Variants in STEAP4 observed in about 807,000 individuals in gnomAD.
STEAP4 encodes the protein metalloreductase STEAP4.
Under a neutral mutation model 43.6 loss-of-function variants are expected in STEAP4, and 36 were observed. The ratio of observed to expected loss-of-function variants is 0.83; its 90% CI spans 0.63 to 1.09. STEAP4 has a LOEUF of 1.09. STEAP4 is among the 50% of genes least tolerant of loss of function. The pLI is 0.00. For missense variants in STEAP4, 495 were observed against 546.5 expected (o/e 0.91, Z 0.94); for synonymous variants, 191 against 196.7 (o/e 0.97, Z 0.24).
At chr7:88,299,686 A>G (rs1199863752) in intron 1 of STEAP4, among the ~76,000 whole-genome samples, 1 of 152,192 alleles carries the variant, frequency 6.6e-6, no homozygotes, top group African/African-American at 2.4e-5. Context: ...GTAATTTGTA[A>G]TTTCAATTTT....
intron 1 of STEAP4, among the ~76,000 whole-genome samples, chr7:88,294,366 A>G (rs907232740): frequency 6.6e-6 from 1 of 152,120 alleles, no homozygotes; most frequent in Non-Finnish European, 1.5e-5. Context: ...TTCTCAAGAT[A>G]TCTCATTATG....
rs1018082536 is a variant in STEAP4, at chr7:88,306,805, G to C, written c.-16C>G. ...AAAGTGACCCACCTGAGGGAGAGGC[G>C]CTTCCAAGGAGGAAGCGTCCAGCGC... On this transcript the variant is annotated 5_prime_UTR_variant, in exon 1 of 5. Coordinates refer to ENST00000380079, the MANE Select transcript of STEAP4 (RefSeq NM_024636.4). 7 of 152,376 alleles carry C rather than the reference G, an allele frequency of 4.6e-5. No individual in the cohort carries two copies. Among genetic ancestry groups the C allele is most frequent in the Non-Finnish European group, 8.8e-5 (6 of 68,184 alleles). The allele number at this position is 152,376 out of a possible 1,614,324, so 9.4% of individuals were successfully genotyped here.
At chr7:88,295,154 C>T (rs1051659129) in intron 1 of STEAP4, among the ~76,000 whole-genome samples, 3 of 152,074 alleles carry the variant, frequency 2.0e-5, no homozygotes, top group Admixed American at 6.6e-5. Flanking sequence ...TGGGATCCGT[C>T]ATTAGATAAG....
Position 88,279,422 on chromosome 7 carries a change from G to C in STEAP4, c.1356C>G (p.Gly452=), listed in dbSNP as rs766360017. ...VDNTLTRIRQ[G]WERNSKH ...TCTAGTGTTTTGAGTTCCTTTCCCA[G>C]CCCTGGCGGATCCTTGTAAGGGTGT... The change falls in exon 5 of 5, where the codon GGC becomes GGG. Residue 452 remains glycine (G), a synonymous_variant. Coordinates refer to ENST00000380079, the MANE Select transcript of STEAP4 (RefSeq NM_024636.4). The C allele has an allele frequency of 6.2e-7, 1 of 1,613,942 alleles. No individual in the cohort carries two copies. Among genetic ancestry groups the C allele is most frequent in the East Asian group, 2.2e-5 (1 of 44,862 alleles).
At position 88,294,188 on chromosome 7, in the gene STEAP4, C is replaced by A. The variant is rs192591461; in HGVS notation, c.-2-9917G>T. On this transcript the variant is annotated intron_variant, in intron 1 of 4. Coordinates refer to ENST00000380079, the MANE Select transcript of STEAP4 (RefSeq NM_024636.4). ...AATCCAAAACTTTCAGACATGATACCACCATTGGATAATTCCACACCTGAC... is the reference window on the plus strand; with the variant it reads ...AATCCAAAACTTTCAGACATGATACAACCATTGGATAATTCCACACCTGAC... Among the ~76,000 whole-genome samples the A allele has an allele frequency of 2.6e-5, 4 of 152,064 alleles. No individual in the cohort carries two copies. In the East Asian group the frequency reaches 7.7e-4, roughly 29 times the overall value.
Position 88,279,315 on chromosome 7 carries a change from C to T in STEAP4, c.*83G>A, listed in dbSNP as rs1852568524. On this transcript the variant is annotated 3_prime_UTR_variant, in exon 5 of 5. Coordinates refer to ENST00000380079, the MANE Select transcript of STEAP4 (RefSeq NM_024636.4). ...TTTCCTAACTGTACCCATCATTCTTCTTTAAACATTCAAAACCATAGTTCA... is the reference window on the plus strand; with the variant it reads ...TTTCCTAACTGTACCCATCATTCTTTTTTAAACATTCAAAACCATAGTTCA... 3.0e-6 allele frequency: 4 copies of T among 1,355,784 alleles called. No homozygotes were observed. The highest frequency in any genetic ancestry group is 2.1e-6 in the Non-Finnish European group (2 of 968,538). 84.0% of individuals were successfully genotyped at this position (1,355,784 alleles called of 1,614,324 possible).
At position 88,273,533 on chromosome 7, in the gene STEAP4, G is replaced by T. The variant is rs1852470676; in HGVS notation, c.*5865C>A. ...GTGTGTGTGTGTGTGTGTAACCCTA[G>T]ATTCTTCAACTAGTATTAAAGTACT... On this transcript the variant is annotated 3_prime_UTR_variant, in exon 5 of 5. Transcript: ENST00000380079. The T allele has an allele frequency of 6.6e-6, 1 of 151,792 alleles. No homozygotes were observed. The highest frequency in any genetic ancestry group is 2.4e-5 in the African/African-American group (1 of 41,286). 9.4% of individuals were successfully genotyped at this position (151,792 alleles called of 1,614,324 possible). A position where few individuals can be genotyped will look rare whatever the true frequency, so the allele number is the denominator to read the frequency against.
rs1046675271 is a variant in STEAP4, at chr7:88,279,100, A to C, written c.*298T>G. On this transcript the variant is annotated 3_prime_UTR_variant, in exon 5 of 5. Coordinates refer to ENST00000380079, the MANE Select transcript of STEAP4 (RefSeq NM_024636.4). ...TTAGGTCATGCATGTTGCCCATAAC[A>C]AGGAAACTCTTTAGTGTGAAACCAC... The C allele has an allele frequency of 1.1e-5, 4 of 379,502 alleles. No individual in the cohort carries two copies. The highest frequency in any genetic ancestry group is 4.3e-5 in the Admixed American group (1 of 23,288). 23.5% of individuals were successfully genotyped at this position (379,502 alleles called of 1,614,324 possible).
At chr7:88,297,550 G>GTT (rs1852943146) in intron 1 of STEAP4, among the ~76,000 whole-genome samples, 1 of 152,124 alleles carries the variant, frequency 6.6e-6, no homozygotes, top group Admixed American at 6.6e-5. Context: ...CTTTTTTAGT[G>GTT]TAAGTATATC....
At position 88,281,085 on chromosome 7, in the gene STEAP4, A is replaced by G; in HGVS notation, c.985-6T>C. The G allele has an allele frequency of 6.4e-7, 1 of 1,554,724 alleles. No homozygotes were observed. The highest frequency in any genetic ancestry group is 8.7e-7 in the Non-Finnish European group (1 of 1,155,318). On this transcript the variant is annotated splice_region_variant and splice_polypyrimidine_tract_variant and intron_variant, in intron 3 of 4. Transcript: ENST00000380079. ...TTCTCCTTCTTGAGTATTGCCTAAG[A>G]AAAATTATAAGCAATTACAAAACTA...
In STEAP4 at chr7:88,279,518, G is replaced by A. The variant is rs528338063; in HGVS notation, c.1260C>T (p.Tyr420=). The A allele has an allele frequency of 5.8e-5, 93 of 1,614,108 alleles. No homozygotes were observed. The highest frequency in any genetic ancestry group is 3.2e-4 in the South Asian group (29 of 91,086). Residue 420 remains tyrosine, a synonymous_variant, in exon 5 of 5, where the codon TAC becomes TAT. Coordinates refer to ENST00000380079, the MANE Select transcript of STEAP4 (RefSeq NM_024636.4). ...SNLRWYLPAA[Y]VLGLIIPCTV... ...TGCAAGGAATGATAAGCCCTAACACGTAGGCTGCAGGAAGATACCATCTGA... is the reference window on the plus strand; with the variant it reads ...TGCAAGGAATGATAAGCCCTAACACATAGGCTGCAGGAAGATACCATCTGA...
chr7:88,280,454 C>T (rs951826216), intron 4 of STEAP4, among the ~76,000 whole-genome samples: 4 of 152,190 alleles, frequency 2.6e-5, no homozygotes, highest in African/African-American at 9.7e-5. Flanking sequence ...TGTGTAGTTA[C>T]TAACTGCCTT....
chr7:88,285,756 C>CAAAAAAAAAAAAA (rs371254467), intron 1 of STEAP4, among the ~76,000 whole-genome samples: 8 of 78,304 alleles, frequency 1.0e-4, no homozygotes, highest in Non-Finnish European at 1.5e-4. Context: ...GACTTTGTCT[C>CAAAAAAAAAAAAA]AAAAAAAAAA....
At chr7:88,289,178 G>T (rs77427890) in intron 1 of STEAP4, among the ~76,000 whole-genome samples, 1 of 151,764 alleles carries the variant, frequency 6.6e-6, no homozygotes, top group Non-Finnish European at 1.5e-5. Context: ...ATAAATATTC[G>T]TTGAACTATA....
rs949243971 is a variant in STEAP4, at chr7:88,274,074, G to T, written c.*5324C>A. The T allele has an allele frequency of 3.9e-5, 6 of 152,146 alleles. No individual in the cohort carries two copies. The highest frequency in any genetic ancestry group is 1.2e-4 in the African/African-American group (5 of 41,422). 9.4% of individuals were successfully genotyped at this position (152,146 alleles called of 1,614,324 possible). ...CAGCATGGGTGTCCCCTATTATATC[G>T]TTGTGTTAAAAGGAGATGGGCCTGG... is the stretch of plus-strand genomic sequence containing the variant. On this transcript the variant is annotated 3_prime_UTR_variant, in exon 5 of 5. Transcript: ENST00000380079.
chr7:88,303,184 T>TAAAAAAAAAAAAAAAAAAA (rs112528523), intron 1 of STEAP4, among the ~76,000 whole-genome samples: 1 of 101,700 alleles, frequency 9.8e-6, no homozygotes, highest in Non-Finnish European at 2.1e-5. Flanking sequence ...TAATCTGCAT[T>TAAAAAAAAAAAAAAAAAAA]AAAAAAAAAA....
At chr7:88,286,168 C>T (rs751233343) in intron 1 of STEAP4, among the ~76,000 whole-genome samples, 46 of 152,204 alleles carry the variant, frequency 3.0e-4, no homozygotes, top group South Asian at 8.3e-4. Flanking sequence ...TTAGGGAAGC[C>T]GCAGTCAAAG....
At chr7:88,290,978 T>TA (rs1264705676) in intron 1 of STEAP4, 2 of 152,172 alleles carry the variant, frequency 1.3e-5, no homozygotes, top group East Asian at 3.8e-4. Flanking sequence ...CAGTGAAAAT[T>TA]AGATGAATTC....
At position 88,284,255 on chromosome 7, in the gene STEAP4, A is replaced by T. The variant is rs369351553; in HGVS notation, c.15T>A (p.Cys5Ter). ...TCATAGTAAGAGGAAGTGCATCTAT[A>T]CAAGTTTTCTCCATAACTGAAAAAT... The part of the protein sequence containing the change: MEKT[C>*]IDALPLTMNS... Residue 5 changes from cysteine to a stop codon, truncating the protein, a stop_gained, in exon 2 of 5, where the codon TGT becomes TGA. Coordinates refer to ENST00000380079, the MANE Select transcript of STEAP4 (RefSeq NM_024636.4). LOFTEE classifies it high-confidence loss of function. 1.9e-6 allele frequency: 3 copies of T among 1,586,268 alleles called. No individual in the cohort carries two copies. The African/African-American group carries it at 4.1e-5, about 22-fold the overall frequency.
Sources: allele counts gnomAD v4.1 joint callset (sites outside exome capture counted in the v4.1 genomes callset), GRCh38; gene constraint gnomAD v4.1.1; transcripts MANE v1.5; gene names NCBI Gene and HGNC (gene_info 2026-07-23, HGNC 2026-07-21).